Variants in CSMD2 observed in about 807,000 individuals in gnomAD.
CSMD2 encodes the protein CUB and sushi domain-containing protein 2.
CSMD2 carries 130 observed loss-of-function variants against 398.5 expected under a neutral mutation model. That is an observed-to-expected ratio of 0.33 (90% CI 0.28 to 0.38). The LOEUF (loss-of-function observed/expected upper bound fraction) is 0.38. CSMD2 is among the 10% of genes least tolerant of loss of function. The pLI, the probability that CSMD2 is intolerant of heterozygous loss-of-function variation, is 1.00. For missense variants in CSMD2, 3,829 were observed against 4,764.9 expected (o/e 0.80, Z 5.78); for synonymous variants, 1,828 against 1,908.5 (o/e 0.96, Z 1.10).
intron 10 of CSMD2, among the ~76,000 whole-genome samples, chr1:33,800,867 G>A (rs1195898821): frequency 2.6e-5 from 4 of 152,184 alleles, no homozygotes; most frequent in Non-Finnish European, 5.9e-5. Flanking sequence ...TCCCCCAGAT[G>A]TGAGGAGGGG....
chr1:33,895,459 G>A (rs187261227), intron 5 of CSMD2, among the ~76,000 whole-genome samples: 27 of 152,294 alleles, frequency 1.8e-4, no homozygotes, highest in African/African-American at 4.1e-4. Context: ...GTAGTAGAGC[G>A]GATGGGGATG....
intron 2 of CSMD2, among the ~76,000 whole-genome samples, chr1:34,059,744 G>A (rs781283332): frequency 3.9e-5 from 6 of 152,056 alleles, no homozygotes; most frequent in Admixed American, 6.5e-5. Flanking sequence ...ATGAATGAAC[G>A]AATGAACACA....
chr1:34,080,075 C>T (rs1329508069), intron 2 of CSMD2, among the ~76,000 whole-genome samples: 2 of 130,958 alleles, frequency 1.5e-5, no homozygotes, highest in Admixed American at 1.6e-4. Context: ...CCAATCAATG[C>T]ATATCTGAAA....
At chr1:34,011,723 A>G (rs142802841) in intron 3 of CSMD2, among the ~76,000 whole-genome samples, 1 of 152,326 alleles carries the variant, frequency 6.6e-6, no homozygotes, top group East Asian at 1.9e-4. Flanking sequence ...TTGTGTTACA[A>G]ACAATCCAAT....
At chr1:33,709,597 G>A (rs1002151700) in intron 21 of CSMD2, 18 of 390,814 alleles carry the variant, frequency 4.6e-5, no homozygotes, top group Non-Finnish European at 6.4e-5. Context: ...ATATAGTAGC[G>A]TAGCAACAGA....
intron 28 of CSMD2, among the ~76,000 whole-genome samples, chr1:33,650,986 C>T (rs1294572227): frequency 1.3e-5 from 2 of 152,194 alleles, no homozygotes; most frequent in Non-Finnish European, 2.9e-5. Context: ...TTTTGGGACT[C>T]ATCCACGTTG....
intron 67 of CSMD2, among the ~76,000 whole-genome samples, chr1:33,522,408 C>G (rs868648042): frequency 3.3e-5 from 5 of 152,322 alleles, no homozygotes; most frequent in African/African-American, 1.2e-4. Context: ...ATGGTGGAGT[C>G]TATTGTTCCT....
chr1:33,791,240 G>A (rs1654272249), intron 11 of CSMD2, among the ~76,000 whole-genome samples: 1 of 152,224 alleles, frequency 6.6e-6, no homozygotes, highest in Non-Finnish European at 1.5e-5. Context: ...ATGAACTTGA[G>A]TGCTGGTTCT....
upstream of CSMD2, chr1:34,165,654 A>G: frequency 6.0e-6 from 7 of 1,175,744 alleles, no homozygotes; most frequent in South Asian, 7.8e-5. Context: ...ACACAGGCAC[A>G]TACACGCACA....
At chr1:33,814,255 C>T (rs1049916981) in intron 9 of CSMD2, 2 of 152,168 alleles carry the variant, frequency 1.3e-5, no homozygotes, top group African/African-American at 4.8e-5. Flanking sequence ...ATCTCTCTAC[C>T]TGCCTTCTCC....
intron 4 of CSMD2, among the ~76,000 whole-genome samples, chr1:33,933,874 G>A (rs1644385619): frequency 6.6e-6 from 1 of 152,080 alleles, no homozygotes; most frequent in Admixed American, 6.5e-5. Flanking sequence ...CCATTCTATT[G>A]GTTGAGGAGA....
intron 41 of CSMD2, chr1:33,605,785 A>T (rs1640555154): frequency 2.6e-6 from 3 of 1,159,930 alleles, no homozygotes; most frequent in Non-Finnish European, 3.7e-6. Flanking sequence ...ACATTGCTCA[A>T]TTGAACCTCT....
chr1:33,770,380 T>C (rs1429034702), intron 13 of CSMD2, among the ~76,000 whole-genome samples: 2 of 152,202 alleles, frequency 1.3e-5, no homozygotes, highest in Admixed American at 6.5e-5. Context: ...TTATCACCAA[T>C]TGGACTATGA....
intron 5 of CSMD2, among the ~76,000 whole-genome samples, chr1:33,849,863 T>TA (rs1164240810): frequency 3.9e-5 from 6 of 151,978 alleles, no homozygotes; most frequent in Non-Finnish European, 7.4e-5. Context: ...TATATTATAA[T>TA]AGAGTTAGTG....
intron 59 of CSMD2, 120 bp from the exon 60 acceptor site, chr1:33,540,818 A>G: frequency 8.9e-7 from 1 of 1,129,308 alleles, no homozygotes; most frequent in South Asian, 1.5e-5. Context: ...AACAGGAAGA[A>G]CCAGAATGGG....
rs1570108961 is a variant in CSMD2, at chr1:33,819,950, A to G, written c.1200-113T>C. 23 of 1,346,064 alleles carry G rather than the reference A, an allele frequency of 1.7e-5. No homozygotes were observed. The East Asian group carries it at 5.4e-4, about 32-fold the overall frequency. The allele number at this position is 1,346,064 out of a possible 1,614,324, so 83.4% of individuals were successfully genotyped here. On this transcript the variant is annotated intron_variant, in intron 8 of 70. Transcript: ENST00000373381. ...CATGTTATTTTTCCTTCTGGCCCTTAATCTCTGCTCCACTGTTTTATCACT... is the reference window on the plus strand; with the variant it reads ...CATGTTATTTTTCCTTCTGGCCCTTGATCTCTGCTCCACTGTTTTATCACT...
At chr1:33,839,627 G>C (rs914026648) in intron 6 of CSMD2, 2 of 152,602 alleles carry the variant, frequency 1.3e-5, no homozygotes, top group Admixed American at 6.5e-5. Flanking sequence ...AAGAACATCC[G>C]GCAAAATTTT....
chr1:33,577,874 C>T (rs1638400487), intron 48 of CSMD2, among the ~76,000 whole-genome samples: 1 of 152,120 alleles, frequency 6.6e-6, no homozygotes, highest in South Asian at 2.1e-4. Flanking sequence ...GGACTTTGAC[C>T]TTAGTGAGGG....
chr1:33,738,682 G>A (rs1646958615), intron 15 of CSMD2, among the ~76,000 whole-genome samples: 1 of 152,130 alleles, frequency 6.6e-6, no homozygotes, highest in Non-Finnish European at 1.5e-5. Flanking sequence ...GCATTTAACA[G>A]GGCACAAAGG....
Sources: gnomAD v4.1 joint callset for allele counts (sites outside exome capture counted in the v4.1 genomes callset) on GRCh38, gnomAD v4.1.1 for gene constraint, MANE v1.5 for transcripts, NCBI Gene and HGNC (gene_info 2026-07-23, HGNC 2026-07-21) for gene names.